The following MTMR14 variants were observed in gnomAD, a reference collection of about 807,000 sequenced individuals.
MTMR14 encodes phosphatidylinositol-3,5-bisphosphate 3-phosphatase MTMR14.
A neutral mutation model predicts 86.3 loss-of-function variants in MTMR14; 48 were observed. The observed-to-expected ratio is 0.56, with a 90% CI of 0.44 to 0.71. The LOEUF is 0.71. MTMR14 is among the 30% of genes least tolerant of loss of function. The pLI is 0.00. For synonymous variants in MTMR14, 366 were observed against 326.1 expected, an observed-to-expected ratio of 1.12 and a Z score of -1.32; for missense variants, 780 against 834.6, an observed-to-expected ratio of 0.93 and a Z score of 0.81.
At position 9,689,001 on chromosome 3, in the gene MTMR14, A is replaced by T; in HGVS notation, c.1352A>T (p.Glu451Val). Residue 451 changes from glutamate to valine, a missense_variant, in exon 16 of 19, where the codon GAG becomes GTG. Glu to Val is a moderately radical substitution (Grantham distance 121). Coordinates refer to ENST00000296003, the MANE Select transcript of MTMR14 (RefSeq NM_001077525.3). Reference protein sequence around the residue: ...SLGSDFSLVMESSPGATGSFT... With the variant: ...SLGSDFSLVMVSSPGATGSFT... ...GGCAGCGACTTCTCCCTGGTCATGG[A>T]GAGTTCCCCAGGAGCCACTGGGAGC... The T allele has an allele frequency of 6.2e-7, 1 of 1,613,956 alleles. No individual in the cohort carries two copies. The highest frequency in any genetic ancestry group is 8.5e-7 in the Non-Finnish European group (1 of 1,180,026).
At chr3:9,681,715 G>C (rs548537524) in intron 9 of MTMR14, among the ~76,000 whole-genome samples, 58 of 152,158 alleles carry the variant, frequency 3.8e-4, no homozygotes, top group African/African-American at 9.2e-4. Context: ...ATATCTCCTC[G>C]GTCATCACTT....
intron 4 of MTMR14, among the ~76,000 whole-genome samples, chr3:9,669,136 T>G (rs1574982058): frequency 6.9e-6 from 1 of 145,884 alleles, no homozygotes; most frequent in Admixed American, 6.9e-5. Flanking sequence ...TGAGACTCCG[T>G]CTCAAAAAAA....
At position 9,690,155 on chromosome 3, in the gene MTMR14, CA is replaced by C; in HGVS notation, c.1613+15del. On this transcript the variant is annotated intron_variant, in intron 17 of 18. Coordinates refer to ENST00000296003, the MANE Select transcript of MTMR14 (RefSeq NM_001077525.3). ...GTCCCCAAACCCAGGTGAGGAGCTC[CA>C]AAGCCCTTGCTGTTGGAAGTGCCTA... 1 of 1,613,372 alleles carries C rather than the reference CA, an allele frequency of 6.2e-7. No individual in the cohort carries two copies.
chr3:9,649,669 T>C lies in MTMR14; in HGVS notation c.86T>C (p.Leu29Pro), dbSNP rs765241955. 13 of 1,604,720 alleles carry C rather than the reference T, an allele frequency of 8.1e-6. No individual in the cohort carries two copies. The highest frequency in any genetic ancestry group is 1.1e-5 in the South Asian group (1 of 89,466). ...AACCAGCCGCCTCAGGAGCTGGGGC[T>C]TGGGGAGCTGCTGGAGGAGTTCTCC... Reference protein sequence around the residue: ...SGNQPPQELGLGELLEEFSRT... With the variant: ...SGNQPPQELGPGELLEEFSRT... The change falls in exon 1 of 19, where the codon CTT becomes CCT. Residue 29 changes from leucine to proline, a missense_variant. Leu to Pro is a moderately conservative substitution (Grantham distance 98). Transcript: ENST00000296003.
Position 9,678,769 on chromosome 3 carries a change from A to G in MTMR14, c.897+711A>G, listed in dbSNP as rs373093215. The stretch of plus-strand genomic sequence containing the variant: ...CCTGGCGAGTTGGATGCCTGCATCT[A>G]TATTCCCATTAACCCCCTGGGCACA... On this transcript the variant is annotated intron_variant, in intron 9 of 18. Coordinates refer to ENST00000296003, the MANE Select transcript of MTMR14 (RefSeq NM_001077525.3). Among the ~76,000 whole-genome samples the G allele has an allele frequency of 2.8e-4, 42 of 152,308 alleles. No individual in the cohort carries two copies. The East Asian group carries it at 5.8e-3, about 21-fold the overall frequency.
At chr3:9,680,780 T>C (rs1326128239) in intron 9 of MTMR14, among the ~76,000 whole-genome samples, 2 of 152,296 alleles carry the variant, frequency 1.3e-5, no homozygotes, top group Middle Eastern at 3.4e-3. Flanking sequence ...GAGCTTGCGG[T>C]GAGCTGAGAT....
intron 3 of MTMR14, among the ~76,000 whole-genome samples, chr3:9,667,061 T>C (rs978079935): frequency 6.6e-6 from 1 of 152,138 alleles, no homozygotes; most frequent in Non-Finnish European, 1.5e-5. Context: ...ACAAGGTCAA[T>C]AGAAGGGATG....
intron 1 of MTMR14, chr3:9,650,630 A>G: frequency 7.6e-6 from 2 of 262,238 alleles, no homozygotes; most frequent in South Asian, 3.6e-5. Flanking sequence ...TGGCCAAGTA[A>G]TTTTTCCAAG....
At chr3:9,687,665 T>TA (rs2076005134) in intron 13 of MTMR14, among the ~76,000 whole-genome samples, 156 bp from the exon 14 acceptor site, 1 of 152,030 alleles carries the variant, frequency 6.6e-6, no homozygotes, top group African/African-American at 2.4e-5. Flanking sequence ...AAGGCCTCTG[T>TA]ACCACCCACA....
At chr3:9,691,695 A>C (rs2076143878) in intron 17 of MTMR14, among the ~76,000 whole-genome samples, 1 of 152,096 alleles carries the variant, frequency 6.6e-6, no homozygotes, top group Non-Finnish European at 1.5e-5. Flanking sequence ...CCTCAGTCTC[A>C]CAGGTGACTT....
rs951139821 is a variant in MTMR14 at position 9,677,091 on chromosome 3, C to T, written c.752-226C>T. 3.3e-5 allele frequency among the ~76,000 whole-genome samples: 5 copies of T among 152,212 alleles called. No individual in the cohort carries two copies. Among genetic ancestry groups the T allele is most frequent in the Non-Finnish European group, 5.9e-5 (4 of 68,040 alleles). Reference sequence around the variant, plus strand: ...ACAAAGAGGCTGAGAGCAGGCAGTGCCTCGTGGAAAAGGCATGCAGCCAGG... The same window carrying T: ...ACAAAGAGGCTGAGAGCAGGCAGTGTCTCGTGGAAAAGGCATGCAGCCAGG... On this transcript the variant is annotated intron_variant, in intron 7 of 18. Coordinates refer to ENST00000296003, the MANE Select transcript of MTMR14 (RefSeq NM_001077525.3). This position sits in a 1 kb window ranked among gnomAD's most constrained non-coding sequence, Gnocchi z 4.2.
chr3:9,682,762 G>T lies in MTMR14; in HGVS notation c.898-416G>T, dbSNP rs191295119. On this transcript the variant is annotated intron_variant, in intron 9 of 18. Coordinates refer to ENST00000296003, the MANE Select transcript of MTMR14 (RefSeq NM_001077525.3). Reference sequence around the variant, plus strand: ...ATATGAAGGAATGAATCTTTATGTGGCCATTTGGAGACATTGGCTACAGCC... The same window carrying T: ...ATATGAAGGAATGAATCTTTATGTGTCCATTTGGAGACATTGGCTACAGCC... 2.5e-3 allele frequency among the ~76,000 whole-genome samples: 382 copies of T among 152,332 alleles called. 3 individuals carry two copies. Among genetic ancestry groups the T allele is most frequent in the Non-Finnish European group, 3.2e-3 (219 of 68,034 alleles).
Position 9,683,259 on chromosome 3 carries a change from T to C in MTMR14, c.964+15T>C, listed in dbSNP as rs758988492. ...TAACAGTGATGGTGAGTCTGTCTCC[T>C]CCAGAGCCCTCGAGCCACTGCACCC... On this transcript the variant is annotated intron_variant, in intron 10 of 18. Transcript: ENST00000296003. 1 of 1,613,274 alleles carries C rather than the reference T, an allele frequency of 6.2e-7. No homozygotes were observed.
At chr3:9,668,651 C>T (rs1284077886) in intron 3 of MTMR14, 68 bp from the exon 4 acceptor site, 2 of 1,543,576 alleles carry the variant, frequency 1.3e-6, no homozygotes, top group Non-Finnish European at 1.8e-6. Flanking sequence ...AGAGGAGTCC[C>T]ACATGTTCCT....
intron 7 of MTMR14, among the ~76,000 whole-genome samples, chr3:9,673,421 G>C (rs2048677922): frequency 6.6e-6 from 1 of 152,236 alleles, no homozygotes; most frequent in Admixed American, 6.5e-5. Context: ...TGTTGGTCTA[G>C]TGTGTAGCAT....
chr3:9,672,849 C>T, intron 7 of MTMR14, 91 bp downstream of exon 7: 2 of 1,224,760 alleles, frequency 1.6e-6, no homozygotes, highest in Non-Finnish European at 2.4e-6. Context: ...CACTGGCGCC[C>T]TGGGAGCTTT....
chr3:9,698,940 G>A (rs1052954882), intron 18 of MTMR14, among the ~76,000 whole-genome samples: 6 of 152,014 alleles, frequency 3.9e-5, no homozygotes, highest in Admixed American at 2.0e-4. Flanking sequence ...AGGCCGAGGC[G>A]GGCGGATCAC....
At position 9,658,766 on chromosome 3, in the gene MTMR14, A is replaced by C. The variant is rs200533490; in HGVS notation, c.309-3501A>C. ...TGCCTCTTATCTATTAAATAGTAGC[A>C]GCAGTAACATTTATCTCAGGAAGTT... On this transcript the variant is annotated intron_variant, in intron 2 of 18. Transcript: ENST00000296003. 1.3e-4 allele frequency among the ~76,000 whole-genome samples: 20 copies of C among 152,356 alleles called. No individual in the cohort carries two copies. The East Asian group carries it at 3.9e-3, about 29-fold the overall frequency.
chr3:9,651,963 G>C (rs1372024526), intron 1 of MTMR14, among the ~76,000 whole-genome samples: 1 of 151,992 alleles, frequency 6.6e-6, no homozygotes, highest in Non-Finnish European at 1.5e-5. Flanking sequence ...TCCCCAGTAG[G>C]TGGGAGTACA....
Sources: gnomAD v4.1 joint callset for allele counts (sites outside exome capture counted in the v4.1 genomes callset) on GRCh38, gnomAD v4.1.1 for gene constraint, Gnocchi (gnomAD v3.1) non-coding constraint, MANE v1.5 for transcripts, NCBI Gene and HGNC (gene_info 2026-07-23, HGNC 2026-07-21) for gene names.